SLC14A2: variants seen among roughly 807,000 people sequenced by gnomAD.
The protein encoded by SLC14A2 is solute carrier family 14 member 2.
In SLC14A2, 91 loss-of-function variants were observed where a neutral mutation model predicts 104.6. The ratio of observed to expected loss-of-function variants is 0.87; its 90% CI spans 0.73 to 1.04. The LOEUF (loss-of-function observed/expected upper bound fraction) is 1.04, where lower values mean the gene tolerates loss of function less well. Among genes scored for constraint, SLC14A2 ranks in the 50% least tolerant of loss-of-function variants. SLC14A2 has a pLI of 0.00. For missense variants in SLC14A2, 1,189 were observed against 1,156.0 expected, an observed-to-expected ratio of 1.03 and a Z score of -0.41; for synonymous variants, 476 against 466.4, an observed-to-expected ratio of 1.02 and a Z score of -0.27.
At chr18:45,351,410 A>G (rs1413804222) in intron 1 of SLC14A2, among the ~76,000 whole-genome samples, 1 of 152,074 alleles carries the variant, frequency 6.6e-6, no homozygotes, top group Non-Finnish European at 1.5e-5. Flanking sequence ...ACTGGTGTTC[A>G]GTGGTGTGAT....
chr18:45,580,993 A>G (rs2044482835), intron 2 of SLC14A2, among the ~76,000 whole-genome samples: 1 of 152,142 alleles, frequency 6.6e-6, no homozygotes, highest in South Asian at 2.1e-4. Flanking sequence ...GGACAGCTGG[A>G]AGGAAGAAAG....
At chr18:45,382,311 G>T (rs1330781486) in intron 1 of SLC14A2, among the ~76,000 whole-genome samples, 1 of 114,612 alleles carries the variant, frequency 8.7e-6, no homozygotes, top group Admixed American at 9.4e-5. Flanking sequence ...CTTAATATAA[G>T]CTCTAGTTTC....
intron 1 of SLC14A2, among the ~76,000 whole-genome samples, chr18:45,357,663 C>A (rs1378894941): frequency 6.6e-6 from 1 of 152,016 alleles, no homozygotes; most frequent in Non-Finnish European, 1.5e-5. Context: ...GGGTGTGGAG[C>A]CCCTCTGCAG....
In SLC14A2 at chr18:45,556,770, T is replaced by G. The variant is rs537771764; in HGVS notation, c.-34-67861T>G. Among the ~76,000 whole-genome samples, 384 of 152,350 alleles carry G rather than the reference T, an allele frequency of 2.5e-3. 1 individual carries two copies. Among genetic ancestry groups the G allele is most frequent in the Non-Finnish European group, 4.0e-3 (272 of 68,030 alleles). Reference sequence around the variant, plus strand: ...ATCTGTATATAGCTAAATCCACAGATGTGTTGACTGTGCCTGCCAAAAATG... The same window carrying G: ...ATCTGTATATAGCTAAATCCACAGAGGTGTTGACTGTGCCTGCCAAAAATG... On this transcript the variant is annotated intron_variant, in intron 2 of 20. Transcript: ENST00000586448.
intron 1 of SLC14A2, among the ~76,000 whole-genome samples, chr18:45,414,757 A>AATATATATATATATATATATAT (rs71177674): frequency 5.0e-4 from 38 of 76,028 alleles, no homozygotes; most frequent in South Asian, 7.5e-4. Context: ...AAAAAAAAAA[A>AATATATATATATATATATATAT]ATATATATAT....
intron 1 of SLC14A2, among the ~76,000 whole-genome samples, chr18:45,361,302 A>G (rs1228315999): frequency 6.6e-6 from 1 of 152,170 alleles, no homozygotes; most frequent in East Asian, 1.9e-4. Flanking sequence ...GTTTTTTGTT[A>G]TAAGGGGGTG....
At chr18:45,209,227 T>C (rs1371143520), upstream of SLC14A2, among the ~76,000 whole-genome samples, 2 of 147,762 alleles carry the variant, frequency 1.4e-5, no homozygotes, top group African/African-American at 5.0e-5. Context: ...CCTGTAGTCC[T>C]AGCTACTCGG....
chr18:45,529,659 A>G (rs1452477217), intron 2 of SLC14A2: 6 of 152,170 alleles, frequency 3.9e-5, no homozygotes, highest in Admixed American at 3.9e-4. Context: ...TTAGGGTTGA[A>G]TTGAAGTATC....
At chr18:45,311,052 G>A (rs1017213742) in intron 1 of SLC14A2, among the ~76,000 whole-genome samples, 7 of 152,162 alleles carry the variant, frequency 4.6e-5, no homozygotes, top group Non-Finnish European at 1.0e-4. Flanking sequence ...GAGATAATAG[G>A]TATAAGACCC....
chr18:45,485,869 A>G (rs899527804), intron 2 of SLC14A2, among the ~76,000 whole-genome samples: 5 of 152,080 alleles, frequency 3.3e-5, no homozygotes, highest in African/African-American at 1.2e-4. Context: ...GCTATAGTCA[A>G]CCTAGACCTC....
chr18:45,667,209 C>T (rs780565024), intron 13 of SLC14A2, 115 bp downstream of exon 13: 32 of 744,358 alleles, frequency 4.3e-5, no homozygotes, highest in Non-Finnish European at 6.7e-5. Context: ...CTAGACTGCA[C>T]TCTGTTACTG....
rs143719883 is a variant in SLC14A2, at chr18:45,321,637, C to T, written c.-125+108446C>T. Among the ~76,000 whole-genome samples the T allele has an allele frequency of 1.6e-3, 251 of 152,252 alleles. 2 individuals are homozygous for T. Among genetic ancestry groups the T allele is most frequent in the East Asian group, 4.6e-3 (24 of 5,188 alleles). On this transcript the variant is annotated intron_variant, in intron 1 of 20. Transcript: ENST00000586448. ...CAGCAGTCCCGGAATTATCCTCCAG[C>T]GCCCGTGCTATTATAAAGAAGAGCT... is the stretch of plus-strand genomic sequence containing the variant.
At chr18:45,498,470 T>C (rs891205727) in intron 2 of SLC14A2, among the ~76,000 whole-genome samples, 1 of 152,194 alleles carries the variant, frequency 6.6e-6, no homozygotes, top group African/African-American at 2.4e-5. Flanking sequence ...AGCAGCCTGG[T>C]TGAATGGTGT....
At chr18:45,440,943 T>A (rs2086672747) in intron 1 of SLC14A2, among the ~76,000 whole-genome samples, 1 of 152,142 alleles carries the variant, frequency 6.6e-6, no homozygotes, top group Non-Finnish European at 1.5e-5. Flanking sequence ...GCATCCTCCC[T>A]GAGGATCATC....
intron 1 of SLC14A2, among the ~76,000 whole-genome samples, chr18:45,232,456 G>A (rs555938480): frequency 2.0e-5 from 3 of 152,274 alleles, no homozygotes; most frequent in South Asian, 4.2e-4. Flanking sequence ...TTTCAGTGGG[G>A]ACACAGAGAC....
chr18:45,673,745 C>T lies in SLC14A2; in HGVS notation c.2440C>T (p.Leu814Phe). 1 of 1,614,182 alleles carries T rather than the reference C, an allele frequency of 6.2e-7. No homozygotes were observed. Among genetic ancestry groups the T allele is most frequent in the South Asian group, 1.1e-5 (1 of 91,082 alleles). ...CGGCCTGTGTGGCTTCAACAGCACC[C>T]TCGCATGCATAGCGATAGGAGGCAT... ...YFGLCGFNST[L>F]ACIAIGGMFY... The change falls in exon 18 of 20, where the codon CTC becomes TTC. Residue 814 changes from leucine to phenylalanine, a missense_variant. Leu to Phe is a conservative substitution (Grantham distance 22). Transcript: ENST00000255226.
chr18:45,615,235 GAAATGTAT>G (rs1395974448), upstream of SLC14A2: 1 of 152,188 alleles, frequency 6.6e-6, no homozygotes, highest in Non-Finnish European at 1.5e-5. Flanking sequence ...ATTTTGTTTT[GAAATGTAT>G]AAAGAACATA....
chr18:45,518,234 T>A (rs1046592546), intron 2 of SLC14A2, among the ~76,000 whole-genome samples: 5 of 152,222 alleles, frequency 3.3e-5, no homozygotes, highest in Non-Finnish European at 7.3e-5. Flanking sequence ...TCACAGCTGA[T>A]GCAAACAGAG....
intron 2 of SLC14A2, among the ~76,000 whole-genome samples, chr18:45,512,028 C>A (rs1456300098): frequency 1.3e-5 from 2 of 152,142 alleles, no homozygotes; most frequent in African/African-American, 2.4e-5. Flanking sequence ...AGGGAAGGAA[C>A]CTAGGCAGAG....
Sources: allele counts gnomAD v4.1 joint callset (sites outside exome capture counted in the v4.1 genomes callset), GRCh38; gene constraint gnomAD v4.1.1; transcripts MANE v1.5; gene names NCBI Gene and HGNC (gene_info 2026-07-23, HGNC 2026-07-21).